The following RORA variants were observed in gnomAD, a reference collection of about 807,000 sequenced individuals.
RORA encodes the protein RAR related orphan receptor A, also known as nuclear receptor ROR-alpha.
RORA carries 7 observed loss-of-function variants against 69.5 expected under a neutral mutation model. That is an observed-to-expected ratio of 0.10 (90% CI 0.06 to 0.19). The LOEUF is 0.19. RORA is among the 10% of genes least tolerant of loss of function. The pLI, the probability that RORA is intolerant of heterozygous loss-of-function variation, is 1.00. For missense variants in RORA, 457 were observed against 663.0 expected, an observed-to-expected ratio of 0.69 and a Z score of 3.41; for synonymous variants, 261 against 240.8, an observed-to-expected ratio of 1.08 and a Z score of -0.78.
At chr15:60,743,016 ATT>A (rs33922947) in intron 1 of RORA, among the ~76,000 whole-genome samples, 4 of 105,158 alleles carry the variant, frequency 3.8e-5, no homozygotes, top group Admixed American at 1.2e-4. Context: ...CATTCATTCT[ATT>A]TTTTTTTTTT....
chr15:61,016,907 T>C (rs1390059893), intron 1 of RORA, among the ~76,000 whole-genome samples: 1 of 151,994 alleles, frequency 6.6e-6, no homozygotes, highest in Non-Finnish European at 1.5e-5. Context: ...GGAAATAAGG[T>C]TGCCCCATAT....
At chr15:60,818,864 A>C (rs2072851475) in intron 1 of RORA, among the ~76,000 whole-genome samples, 1 of 152,242 alleles carries the variant, frequency 6.6e-6, no homozygotes, top group African/African-American at 2.4e-5. Flanking sequence ...TCCTTGTCAC[A>C]GCAATATTTT....
At chr15:60,892,424 T>G (rs2073822368) in intron 1 of RORA, among the ~76,000 whole-genome samples, 1 of 152,164 alleles carries the variant, frequency 6.6e-6, no homozygotes, top group African/African-American at 2.4e-5. Flanking sequence ...CTTTTGCAAT[T>G]TTGCTTGGAC....
intron 1 of RORA, among the ~76,000 whole-genome samples, chr15:60,884,216 G>GAGAA (rs2073725900): frequency 1.3e-5 from 2 of 151,596 alleles, no homozygotes; most frequent in African/African-American, 4.8e-5. Flanking sequence ...GAGAGAGAGA[G>GAGAA]AGAAGGACAA....
chr15:60,721,204 C>G lies in RORA; in HGVS notation c.167-42518G>C, dbSNP rs181863266. 1.3e-3 allele frequency among the ~76,000 whole-genome samples: 195 copies of G among 152,254 alleles called. 2 individuals are homozygous for G. The highest frequency in any genetic ancestry group is 4.4e-3 in the African/African-American group (184 of 41,546). ...TTGACTAAACATCTCGCAGAGAGAT[C>G]GGTGGATCCACAAAAATGACCTCAT... is the stretch of plus-strand genomic sequence containing the variant. On this transcript the variant is annotated intron_variant, in intron 1 of 10. Coordinates refer to ENST00000335670, the MANE Select transcript of RORA (RefSeq NM_134261.3).
chr15:61,182,837 T>A (rs2079700463), intron 1 of RORA: 1 of 152,288 alleles, frequency 6.6e-6, no homozygotes, highest in South Asian at 2.1e-4. Context: ...TGTGTGGTGC[T>A]CTTCCCCTAA....
chr15:60,717,427 G>A (rs2071234530), intron 1 of RORA, among the ~76,000 whole-genome samples: 1 of 152,170 alleles, frequency 6.6e-6, no homozygotes, highest in South Asian at 2.1e-4. Context: ...CCCCAAGTCA[G>A]TTCTTCATCC....
chr15:60,685,121 GA>G (rs2070721498), intron 1 of RORA, among the ~76,000 whole-genome samples: 1 of 152,184 alleles, frequency 6.6e-6, no homozygotes, highest in East Asian at 1.9e-4. Context: ...GACAACCCTT[GA>G]CTGGACATAG....
chr15:60,819,761 A>ACACACACACACACACACACACACG (rs1567202047), intron 1 of RORA, among the ~76,000 whole-genome samples: 20 of 138,136 alleles, frequency 1.4e-4, no homozygotes, highest in African/African-American at 4.7e-4. Flanking sequence ...ACACACACAC[A>ACACACACACACACACACACACACG]CACACACACA....
At chr15:61,084,992 C>T (rs1036255157) in intron 1 of RORA, among the ~76,000 whole-genome samples, 1 of 152,182 alleles carries the variant, frequency 6.6e-6, no homozygotes, top group African/African-American at 2.4e-5. Context: ...AGTGATTGCA[C>T]TGACATGATA....
chr15:60,752,704 C>G, intron 1 of RORA, among the ~76,000 whole-genome samples: 1 of 148,438 alleles, frequency 6.7e-6, no homozygotes, highest in Non-Finnish European at 1.5e-5. Flanking sequence ...GGAAAACAAC[C>G]AAAACATCGA....
chr15:60,936,038 C>G (rs1026752759), intron 1 of RORA, among the ~76,000 whole-genome samples: 1 of 152,200 alleles, frequency 6.6e-6, no homozygotes, highest in Admixed American at 6.5e-5. Flanking sequence ...GCCGGCCCTA[C>G]AGTTACTCAG....
rs73422443 is a variant in RORA, at chr15:61,031,443, A to C, written c.166+197610T>G. 3.4e-3 allele frequency among the ~76,000 whole-genome samples: 516 copies of C among 152,250 alleles called. 3 individuals carry two copies. The highest frequency in any genetic ancestry group is 0.012 in the African/African-American group (484 of 41,548). The stretch of plus-strand genomic sequence containing the variant: ...TGGTTTTCCTGAGATGCATATTTGA[A>C]CCAGGACTTGACTTAGCTCAGCAAG... On this transcript the variant is annotated intron_variant, in intron 1 of 10. Transcript: ENST00000335670.
At chr15:60,556,789 C>T in intron 2 of RORA, 1 of 1,263,426 alleles carries the variant, frequency 7.9e-7, no homozygotes, top group Non-Finnish European at 1.1e-6. Flanking sequence ...TCAAACCTCA[C>T]TTCTTCCTAA....
chr15:60,928,905 GT>G (rs1038492189), intron 1 of RORA, among the ~76,000 whole-genome samples: 1 of 152,202 alleles, frequency 6.6e-6, no homozygotes, highest in Non-Finnish European at 1.5e-5. Context: ...CCCCAGAGAG[GT>G]TTACCTGAGC....
intron 2 of RORA, among the ~76,000 whole-genome samples, chr15:60,625,211 A>AAAC (rs533003655): frequency 3.9e-5 from 6 of 152,318 alleles, no homozygotes; most frequent in South Asian, 4.1e-4. Context: ...GGCTTCAGAA[A>AAAC]AACAACAACA....
At position 60,531,583 on chromosome 15, in the gene RORA, G is replaced by A. The variant is rs2066527754; in HGVS notation, c.282+183C>T. ...TAATCTCCTATTATTTTGAAGGAAG[G>A]AGTAAAAATATATATAACTTCTTTA... is the stretch of plus-strand genomic sequence containing the variant. On this transcript the variant is annotated intron_variant, in intron 3 of 10. Coordinates refer to ENST00000335670, the MANE Select transcript of RORA (RefSeq NM_134261.3). The surrounding 1 kb of genome is among the most constrained non-coding windows in gnomAD (Gnocchi z 4.8). 11 of 520,516 alleles carry A rather than the reference G, an allele frequency of 2.1e-5. No homozygotes were observed. In the South Asian group the frequency reaches 3.1e-4, roughly 15 times the overall value. The allele number at this position is 520,516 out of a possible 1,614,324, so 32.2% of individuals were successfully genotyped here.
chr15:61,065,583 G>A (rs560498063), intron 1 of RORA, among the ~76,000 whole-genome samples: 1 of 152,338 alleles, frequency 6.6e-6, no homozygotes, highest in East Asian at 1.9e-4. Context: ...AATAGATTCA[G>A]ATGACAATAA....
chr15:60,728,790 A>C (rs2071395177), intron 1 of RORA, among the ~76,000 whole-genome samples: 1 of 152,198 alleles, frequency 6.6e-6, no homozygotes, highest in Non-Finnish European at 1.5e-5. Context: ...AAAAAACTTA[A>C]AGTGTAGTAG....
Sources: allele counts gnomAD v4.1 joint callset (sites outside exome capture counted in the v4.1 genomes callset), GRCh38; gene constraint gnomAD v4.1.1; non-coding constraint Gnocchi (gnomAD v3.1); transcripts MANE v1.5; gene names NCBI Gene and HGNC (gene_info 2026-07-23, HGNC 2026-07-21).